The following TENM4 variants were observed in gnomAD, a reference collection of about 807,000 sequenced individuals.
TENM4 encodes the protein teneurin-4.
A neutral mutation model predicts 243.3 loss-of-function variants in TENM4; 82 were observed. That is an observed-to-expected ratio of 0.34 (90% CI 0.28 to 0.40). The LOEUF is 0.40. Ranked by LOEUF, TENM4 falls within the 10% of genes least tolerant of loss-of-function variation. The pLI is 1.00. For missense variants in TENM4, 3,138 were observed against 3,673.3 expected, an observed-to-expected ratio of 0.85 and a Z score of 3.77; for synonymous variants, 1,412 against 1,456.3, an observed-to-expected ratio of 0.97 and a Z score of 0.69.
intron 2 of TENM4, among the ~76,000 whole-genome samples, chr11:79,275,974 T>G (rs1182114121): frequency 6.6e-6 from 1 of 152,208 alleles, no homozygotes; most frequent in Non-Finnish European, 1.5e-5. Context: ...GGGGGGAAGG[T>G]AGAGCACACA....
intron 6 of TENM4, among the ~76,000 whole-genome samples, chr11:79,023,087 C>T (rs1478167163): frequency 6.6e-6 from 1 of 152,100 alleles, no homozygotes. Context: ...CTAACATAAC[C>T]ACTTCATTTG....
chr11:78,940,372 A>C (rs1235387170), intron 6 of TENM4, among the ~76,000 whole-genome samples: 1 of 152,206 alleles, frequency 6.6e-6, no homozygotes, highest in Non-Finnish European at 1.5e-5. Context: ...CTTGACTTGA[A>C]TCATAAGTTC....
At chr11:79,220,005 C>T (rs143953767) in intron 2 of TENM4, among the ~76,000 whole-genome samples, 61 of 152,354 alleles carry the variant, frequency 4.0e-4, no homozygotes, top group African/African-American at 1.3e-3. Context: ...TTTCCCTTCT[C>T]GGCTAAGCCG....
intron 19 of TENM4, among the ~76,000 whole-genome samples, chr11:78,747,323 G>A (rs942054013): frequency 6.6e-6 from 1 of 152,212 alleles, no homozygotes; most frequent in Non-Finnish European, 1.5e-5. Context: ...TTGGTGCCAG[G>A]GCACTAGGCT....
At position 78,780,204 on chromosome 11, in the gene TENM4, G is replaced by A. The variant is rs140245301; in HGVS notation, c.2366-1576C>T. ...AATGAAAAATGGGGACAGCCCACAC[G>A]AAAAATGGCCTAGGAAATACCTCTG... On this transcript the variant is annotated intron_variant, in intron 16 of 33. Transcript: ENST00000278550. Among the ~76,000 whole-genome samples the A allele has an allele frequency of 9.5e-3, 1,447 of 152,300 alleles. 32 individuals are homozygous for A. The highest frequency in any genetic ancestry group is 0.032 in the African/African-American group (1,329 of 41,568).
intron 1 of TENM4, among the ~76,000 whole-genome samples, chr11:79,421,940 T>A (rs758790315): frequency 6.6e-6 from 1 of 152,186 alleles, no homozygotes; most frequent in East Asian, 1.9e-4. Flanking sequence ...AAGGTGCAGA[T>A]ACCCCTTTCA....
chr11:79,107,624 G>T (rs147639548), intron 4 of TENM4, among the ~76,000 whole-genome samples: 257 of 152,294 alleles, frequency 1.7e-3, no homozygotes, highest in African/African-American at 5.6e-3. Flanking sequence ...AAAAGATAAT[G>T]ACTTTCCTCA....
intron 28 of TENM4, among the ~76,000 whole-genome samples, chr11:78,692,276 G>A (rs1366473984): frequency 6.6e-6 from 1 of 152,120 alleles, no homozygotes; most frequent in African/African-American, 2.4e-5. Flanking sequence ...GATAGTCTAG[G>A]CTTTGCATCC....
intron 25 of TENM4, among the ~76,000 whole-genome samples, chr11:78,714,844 T>C (rs1205548633): frequency 6.6e-6 from 1 of 152,094 alleles, no homozygotes; most frequent in Non-Finnish European, 1.5e-5. Context: ...TCTGCAAACC[T>C]TCCCCAGCCT....
intron 7 of TENM4, among the ~76,000 whole-genome samples, chr11:78,902,564 A>T (rs1855954102): frequency 6.6e-6 from 1 of 152,212 alleles, no homozygotes; most frequent in South Asian, 2.1e-4. Context: ...GCCTGTGTGA[A>T]GTGAGCTAGT....
chr11:78,670,093 G>A lies in TENM4; in HGVS notation c.6252C>T (p.Asn2084=). 1 of 1,613,980 alleles carries A rather than the reference G, an allele frequency of 6.2e-7. No homozygotes were observed. The highest frequency in any genetic ancestry group is 8.5e-7 in the Non-Finnish European group (1 of 1,179,888). ...TGGTCACCCGGAAGCTGTTGTCATA[G>A]TTGTAGTCAAAACGGGCGTTGACCA... The part of the protein sequence containing the change: ...EGMVNARFDY[N]YDNSFRVTSM... Residue 2084 remains asparagine, a synonymous_variant, in exon 32 of 34, where the codon AAC becomes AAT. Transcript: ENST00000278550.
At chr11:78,948,969 A>G (rs964933905) in intron 6 of TENM4, among the ~76,000 whole-genome samples, 1 of 152,146 alleles carries the variant, frequency 6.6e-6, no homozygotes, top group African/African-American at 2.4e-5. Flanking sequence ...TCATATTAGG[A>G]TGGCTCACTA....
intron 6 of TENM4, among the ~76,000 whole-genome samples, chr11:78,967,335 T>C (rs1857458247): frequency 6.6e-6 from 1 of 151,866 alleles, no homozygotes; most frequent in African/African-American, 2.4e-5. Context: ...AGAAGGAAGG[T>C]AGGAAGGAAG....
intron 6 of TENM4, 68 bp from the exon 7 acceptor site, chr11:78,903,591 C>T (rs1855991675): frequency 2.0e-6 from 3 of 1,535,640 alleles, no homozygotes; most frequent in African/African-American, 1.4e-5. Flanking sequence ...AAAGCAGCCA[C>T]GGAGGTCTGA....
intron 9 of TENM4, among the ~76,000 whole-genome samples, chr11:78,872,825 CA>C (rs1212069657): frequency 1.3e-5 from 2 of 152,168 alleles, no homozygotes; most frequent in East Asian, 3.9e-4. Context: ...GCCAGCCATG[CA>C]ACTGATTTTT....
At chr11:78,958,184 A>G (rs1413717519) in intron 6 of TENM4, among the ~76,000 whole-genome samples, 1 of 152,196 alleles carries the variant, frequency 6.6e-6, no homozygotes, top group Non-Finnish European at 1.5e-5. Flanking sequence ...GTCCTTATTA[A>G]ATGTCAATTC....
At chr11:78,851,941 T>C (rs1171563423) in intron 12 of TENM4, among the ~76,000 whole-genome samples, 1 of 152,086 alleles carries the variant, frequency 6.6e-6, no homozygotes, top group African/African-American at 2.4e-5. Context: ...AGACTGAAAA[T>C]GGAGCACAAT....
chr11:79,026,503 G>A (rs878974644), intron 6 of TENM4, among the ~76,000 whole-genome samples: 2 of 152,198 alleles, frequency 1.3e-5, no homozygotes, highest in Non-Finnish European at 2.9e-5. Context: ...ATTGAGCAGG[G>A]AGGACATCTT....
intron 3 of TENM4, among the ~76,000 whole-genome samples, chr11:79,207,893 G>T (rs1190397851): frequency 1.3e-5 from 2 of 150,680 alleles, no homozygotes; most frequent in African/African-American, 2.4e-5. Flanking sequence ...AAAAAAAAGT[G>T]GGGGATAATT....
Sources: allele counts gnomAD v4.1 joint callset (sites outside exome capture counted in the v4.1 genomes callset), GRCh38; gene constraint gnomAD v4.1.1; transcripts MANE v1.5; gene names NCBI Gene and HGNC (gene_info 2026-07-23, HGNC 2026-07-21).